C4orf51: variants seen among roughly 807,000 people sequenced by gnomAD.
C4orf51 encodes the protein uncharacterized protein C4orf51.
In C4orf51, 25 loss-of-function variants were observed where a neutral mutation model predicts 25.2. The ratio of observed to expected loss-of-function variants is 0.99; its 90% CI spans 0.72 to 1.39. C4orf51 has a LOEUF of 1.39. Among genes scored for constraint, C4orf51 ranks in the 40% most tolerant of loss-of-function variants. C4orf51 has a pLI of 0.00. For missense variants in C4orf51, 252 were observed against 239.6 expected (o/e 1.05, Z -0.34); for synonymous variants, 100 against 84.5 (o/e 1.18, Z -1.01).
intron 2 of C4orf51, among the ~76,000 whole-genome samples, chr4:145,697,196 T>G (rs1578943548): frequency 1.3e-5 from 2 of 150,090 alleles, no homozygotes; most frequent in Non-Finnish European, 1.5e-5. Flanking sequence ...GCCTCCTGGG[T>G]TCAAGCGATT....
chr4:145,789,330 T>C, the C4orf51 span, among the ~76,000 whole-genome samples: 2 of 152,184 alleles, frequency 1.3e-5, no homozygotes, highest in South Asian at 2.1e-4. Flanking sequence ...AGTGCATAAA[T>C]AGTTTCATCC....
the C4orf51 span, among the ~76,000 whole-genome samples, chr4:145,786,413 C>T: frequency 1.3e-5 from 2 of 152,302 alleles, no homozygotes; most frequent in South Asian, 2.1e-4. Flanking sequence ...GCATAAATAA[C>T]TGTTCAGATC....
intron 1 of C4orf51, among the ~76,000 whole-genome samples, chr4:145,768,946 T>C (rs529333069): frequency 8.2e-6 from 1 of 121,744 alleles, no homozygotes; most frequent in South Asian, 3.0e-4. Context: ...AATAGAGCTG[T>C]AATGGTGGGT....
downstream of C4orf51, among the ~76,000 whole-genome samples, chr4:145,755,724 C>T (rs1465664964): frequency 6.6e-6 from 1 of 152,168 alleles, no homozygotes; most frequent in Admixed American, 6.5e-5. Flanking sequence ...CAGGCATTTG[C>T]CTGCTTAGTT....
intron 3 of C4orf51, among the ~76,000 whole-genome samples, chr4:145,727,532 A>T (rs1732129073): frequency 6.6e-6 from 1 of 152,016 alleles, no homozygotes; most frequent in Admixed American, 6.6e-5. Flanking sequence ...ATTTGTTACG[A>T]TTTTTAATGG....
At chr4:145,792,355 A>T in the C4orf51 span, among the ~76,000 whole-genome samples, 9 of 151,634 alleles carry the variant, frequency 5.9e-5, no homozygotes, top group Admixed American at 5.9e-4. Context: ...AGGGCATCCT[A>T]TTGTTTTCAG....
At chr4:145,772,934 A>G (rs1169274625), downstream of C4orf51, among the ~76,000 whole-genome samples, 11 of 152,186 alleles carry the variant, frequency 7.2e-5, no homozygotes, top group Admixed American at 6.5e-4. Flanking sequence ...GTTTCCACTC[A>G]CGACAATTAA....
chr4:145,682,118 G>A (rs916164193), intron 1 of C4orf51, among the ~76,000 whole-genome samples: 12 of 152,156 alleles, frequency 7.9e-5, no homozygotes, highest in Non-Finnish European at 1.2e-4. Flanking sequence ...CCTATTCAGA[G>A]AGTGATCATT....
chr4:145,738,457 A>ACAT (rs1410346186), intron 1 of C4orf51, among the ~76,000 whole-genome samples: 1 of 52,440 alleles, frequency 1.9e-5, no homozygotes. Context: ...CTCGAAAAAA[A>ACAT]ACATATATAT....
At chr4:145,705,187 C>A (rs930370996) in intron 2 of C4orf51, among the ~76,000 whole-genome samples, 1 of 152,208 alleles carries the variant, frequency 6.6e-6, no homozygotes, top group Non-Finnish European at 1.5e-5. Flanking sequence ...TTAAATTCCA[C>A]AATTTTGCCT....
intron 1 of C4orf51, among the ~76,000 whole-genome samples, chr4:145,753,310 C>A (rs1733783392): frequency 6.6e-6 from 1 of 151,602 alleles, no homozygotes; most frequent in African/African-American, 2.4e-5. Flanking sequence ...AAATTGATGA[C>A]CTTCCTTCTG....
At chr4:145,720,790 G>GAGGGGTC (rs1211302027) in intron 2 of C4orf51, among the ~76,000 whole-genome samples, 1 of 152,158 alleles carries the variant, frequency 6.6e-6, no homozygotes, top group African/African-American at 2.4e-5. Flanking sequence ...TGGGACAGTG[G>GAGGGGTC]AGGGGTCAGG....
intron 1 of C4orf51, among the ~76,000 whole-genome samples, chr4:145,741,279 T>C (rs1183673177): frequency 6.6e-6 from 1 of 152,228 alleles, no homozygotes; most frequent in Non-Finnish European, 1.5e-5. Context: ...AGAATACTTA[T>C]TTTATAACTC....
chr4:145,790,655 C>G, the C4orf51 span, among the ~76,000 whole-genome samples: 1 of 152,160 alleles, frequency 6.6e-6, no homozygotes, highest in Non-Finnish European at 1.5e-5. Context: ...TTCTAGTCTT[C>G]TTTTCTTATG....
At chr4:145,752,739 G>A (rs1417264864) in intron 1 of C4orf51, among the ~76,000 whole-genome samples, 1 of 152,138 alleles carries the variant, frequency 6.6e-6, no homozygotes, top group Non-Finnish European at 1.5e-5. Context: ...TGTGGCCTAA[G>A]CTGCCTTTTG....
intron 2 of C4orf51, among the ~76,000 whole-genome samples, chr4:145,717,021 A>G (rs1731454509): frequency 6.6e-6 from 1 of 152,222 alleles, no homozygotes; most frequent in Non-Finnish European, 1.5e-5. Context: ...TGAACATGTC[A>G]TTCATAGTAA....
chr4:145,719,168 T>C (rs56186628), intron 2 of C4orf51, among the ~76,000 whole-genome samples: 32,084 of 152,190 alleles, frequency 0.21, 3,575 homozygotes, highest in Middle Eastern at 0.29. Context: ...TCATTGTTTG[T>C]TGAACAATGG....
intron 2 of C4orf51, among the ~76,000 whole-genome samples, chr4:145,699,494 C>T (rs1333467639): frequency 3.3e-5 from 5 of 152,066 alleles, no homozygotes; most frequent in East Asian, 1.9e-4. Context: ...TCAATCTTGG[C>T]GCCACACTGC....
downstream of C4orf51, chr4:145,758,064 T>G (rs1295062787): frequency 1.3e-5 from 2 of 152,200 alleles, no homozygotes. Flanking sequence ...GTACATATTT[T>G]CTAGGGTGGA....
Sources: allele counts gnomAD v4.1 joint callset (sites outside exome capture counted in the v4.1 genomes callset), GRCh38; gene constraint gnomAD v4.1.1; transcripts MANE v1.5; gene names NCBI Gene and HGNC (gene_info 2026-07-23, HGNC 2026-07-21).